TECPR2: variants seen among roughly 807,000 people sequenced by gnomAD.
TECPR2 encodes the protein tectonin beta-propeller repeat containing 2, also known as tectonin beta-propeller repeat-containing protein 2.
TECPR2 carries 65 observed loss-of-function variants against 138.1 expected under a neutral mutation model. That is an observed-to-expected ratio of 0.47 (90% CI 0.39 to 0.58). TECPR2 has a LOEUF of 0.58. Among genes scored for constraint, TECPR2 ranks in the 20% least tolerant of loss-of-function variants. The pLI, the probability that TECPR2 is intolerant of heterozygous loss-of-function variation, is 0.00. For missense variants in TECPR2, 1,553 were observed against 1,824.5 expected (o/e 0.85, Z 2.71); for synonymous variants, 746 against 749.8 (o/e 0.99, Z 0.08).
chr14:102,423,050 A>G (rs191172045), intron 5 of TECPR2, among the ~76,000 whole-genome samples: 167 of 152,334 alleles, frequency 1.1e-3, no homozygotes, highest in African/African-American at 4.0e-3. Flanking sequence ...GTACAGTCAT[A>G]TGGAGTACAG....
chr14:102,376,248 G>T (rs941452247), intron 1 of TECPR2, among the ~76,000 whole-genome samples: 6 of 152,132 alleles, frequency 3.9e-5, no homozygotes, highest in Non-Finnish European at 7.3e-5. Context: ...GTTCAGTGAA[G>T]CCATGTCTAC....
intron 17 of TECPR2, among the ~76,000 whole-genome samples, chr14:102,473,536 A>T (rs2139778843): frequency 6.6e-6 from 1 of 152,348 alleles, no homozygotes; most frequent in Middle Eastern, 3.4e-3. Flanking sequence ...GGCAGGGGAT[A>T]GATGCTCAAG....
intron 13 of TECPR2, among the ~76,000 whole-genome samples, chr14:102,448,546 T>G (rs1367995722): frequency 6.6e-6 from 1 of 152,098 alleles, no homozygotes; most frequent in Admixed American, 6.6e-5. Context: ...GGAGTAATTA[T>G]TAGTAGTCCC....
intron 17 of TECPR2, among the ~76,000 whole-genome samples, chr14:102,469,965 TTGTATGTATA>T (rs1344038628): frequency 6.6e-6 from 1 of 152,188 alleles, no homozygotes. Context: ...GTGAAATCCT[TTGTATGTATA>T]TGTTGCTGGA....
intron 2 of TECPR2, among the ~76,000 whole-genome samples, chr14:102,404,559 C>A (rs922109855): frequency 1.3e-5 from 2 of 151,116 alleles, no homozygotes; most frequent in African/African-American, 4.8e-5. Context: ...GAAATAAACC[C>A]TCTTATATAG....
chr14:102,473,659 G>A (rs759284680), intron 17 of TECPR2, among the ~76,000 whole-genome samples: 7 of 152,072 alleles, frequency 4.6e-5, no homozygotes, highest in East Asian at 1.9e-4. Flanking sequence ...GTAGTTTTGC[G>A]GTAAAGTTTT....
intron 4 of TECPR2, among the ~76,000 whole-genome samples, chr14:102,413,402 C>A (rs1888937277): frequency 6.7e-6 from 1 of 150,140 alleles, no homozygotes; most frequent in African/African-American, 2.4e-5. Context: ...TTTTTTGAGA[C>A]AGAGTCTCAC....
chr14:102,404,773 C>T (rs1257462631), intron 2 of TECPR2, among the ~76,000 whole-genome samples: 4 of 151,416 alleles, frequency 2.6e-5, no homozygotes, highest in Non-Finnish European at 5.9e-5. Flanking sequence ...GACAGGATTT[C>T]GTGTTAGCCA....
At chr14:102,414,443 G>T (rs1471462152) in intron 4 of TECPR2, among the ~76,000 whole-genome samples, 193 bp from the exon 5 acceptor site, 1 of 152,216 alleles carries the variant, frequency 6.6e-6, no homozygotes, top group Non-Finnish European at 1.5e-5. Flanking sequence ...TGTTAGTATG[G>T]ACTCTTTTCC....
intron 1 of TECPR2, among the ~76,000 whole-genome samples, chr14:102,374,034 C>T (rs1031632734): frequency 1.3e-5 from 2 of 148,378 alleles, no homozygotes; most frequent in East Asian, 2.0e-4. Context: ...ATCGCACCAC[C>T]GCACTCCAGC....
rs1404980093 is a variant in TECPR2, at chr14:102,499,510, C to T, written c.*1253C>T. The T allele has an allele frequency of 3.3e-5, 15 of 451,418 alleles. No individual in the cohort carries two copies. Among genetic ancestry groups the T allele is most frequent in the East Asian group, 2.9e-4 (7 of 24,364 alleles). The allele number at this position is 451,418 out of a possible 1,614,324, so 28.0% of individuals were successfully genotyped here. ...CCCCGCACAGACTTGACTGGCAGGG[C>T]GGTCACGGGACCTGCGGGCTGGCTC... On this transcript the variant is annotated 3_prime_UTR_variant, in exon 20 of 20. Transcript: ENST00000359520.
intron 10 of TECPR2, among the ~76,000 whole-genome samples, chr14:102,440,191 TC>T (rs750427820): frequency 6.6e-6 from 1 of 152,132 alleles, no homozygotes; most frequent in Non-Finnish European, 1.5e-5. Context: ...GTGGAGATGA[TC>T]CCCACGGCCC....
intron 11 of TECPR2, 77 bp downstream of exon 11, chr14:102,440,686 T>G: frequency 6.6e-7 from 1 of 1,506,724 alleles, no homozygotes; most frequent in Non-Finnish European, 9.0e-7. Flanking sequence ...GCTAGTAACA[T>G]GCTTACCACA....
rs1277947266 is a variant in TECPR2, at chr14:102,502,166, C to T, written c.*3909C>T. On this transcript the variant is annotated 3_prime_UTR_variant, in exon 20 of 20. Coordinates refer to ENST00000359520, the MANE Select transcript of TECPR2 (RefSeq NM_014844.5). ...GAGGCGCAGGACCTCACCGCGCCAG[C>T]GTGAAGTTCCCGGGCATGGTCATGA... 1.3e-5 allele frequency: 2 copies of T among 152,216 alleles called. No homozygotes were observed. The highest frequency in any genetic ancestry group is 2.9e-5 in the Non-Finnish European group (2 of 68,032). The allele number at this position is 152,216 out of a possible 1,614,324, so 9.4% of individuals were successfully genotyped here. A position where few individuals can be genotyped will look rare whatever the true frequency, so the allele number is the denominator to read the frequency against.
intron 16 of TECPR2, among the ~76,000 whole-genome samples, chr14:102,455,267 G>T (rs1035272191): frequency 1.3e-5 from 2 of 152,184 alleles, no homozygotes; most frequent in Non-Finnish European, 1.5e-5. Flanking sequence ...TGTTCCGCCT[G>T]CAAAATCATT....
intron 15 of TECPR2, 105 bp from the exon 16 acceptor site, chr14:102,452,289 C>T: frequency 8.8e-7 from 1 of 1,131,292 alleles, no homozygotes; most frequent in Non-Finnish European, 1.3e-6. Flanking sequence ...GCATCTGTGG[C>T]CAGGTGGCTA....
intron 17 of TECPR2, among the ~76,000 whole-genome samples, chr14:102,496,232 G>A (rs148226676): frequency 1.5e-3 from 236 of 152,300 alleles, no homozygotes; most frequent in African/African-American, 5.1e-3. Context: ...CCAGCCCCTC[G>A]GGGCTCGGGT....
chr14:102,469,440 G>T (rs1207094247), intron 17 of TECPR2, among the ~76,000 whole-genome samples: 1 of 152,018 alleles, frequency 6.6e-6, no homozygotes, highest in Non-Finnish European at 1.5e-5. Context: ...CTTGTTTATT[G>T]GGTCTAACAG....
At chr14:102,363,689 C>CAGGT (rs1017535599) in intron 1 of TECPR2, among the ~76,000 whole-genome samples, 2 of 152,214 alleles carry the variant, frequency 1.3e-5, no homozygotes, top group South Asian at 2.1e-4. Flanking sequence ...CAGAGCCGGG[C>CAGGT]AGGTCCCAGC....
Sources: allele counts gnomAD v4.1 joint callset (sites outside exome capture counted in the v4.1 genomes callset), GRCh38; gene constraint gnomAD v4.1.1; transcripts MANE v1.5; gene names NCBI Gene and HGNC (gene_info 2026-07-23, HGNC 2026-07-21).